SLC9C2: variants seen among roughly 807,000 people sequenced by gnomAD.
The protein encoded by SLC9C2 is sodium/hydrogen exchanger 11.
A neutral mutation model predicts 140.2 loss-of-function variants in SLC9C2; 75 were observed. The ratio of observed to expected loss-of-function variants is 0.53; its 90% CI spans 0.44 to 0.65. The LOEUF is 0.65. Ranked by LOEUF, SLC9C2 falls within the 30% of genes least tolerant of loss-of-function variation. The pLI, the probability that SLC9C2 is intolerant of heterozygous loss-of-function variation, is 0.00. For missense variants in SLC9C2, 1,074 were observed against 1,331.8 expected, an observed-to-expected ratio of 0.81 and a Z score of 3.01; for synonymous variants, 375 against 420.9, an observed-to-expected ratio of 0.89 and a Z score of 1.34.
intron 13 of SLC9C2, among the ~76,000 whole-genome samples, chr1:173,543,264 A>T (rs1662579990): frequency 6.6e-6 from 1 of 152,240 alleles, no homozygotes; most frequent in African/African-American, 2.4e-5. Flanking sequence ...ATTGCTACAA[A>T]GAAAATAAAA....
chr1:173,563,403 A>AT (rs910268604), intron 9 of SLC9C2, among the ~76,000 whole-genome samples: 1 of 151,214 alleles, frequency 6.6e-6, no homozygotes, highest in Non-Finnish European at 1.5e-5. Flanking sequence ...ATCCTTCATA[A>AT]TTTTTTTTTA....
chr1:173,590,756 A>G (rs1193150976), intron 4 of SLC9C2, among the ~76,000 whole-genome samples: 1 of 152,210 alleles, frequency 6.6e-6, no homozygotes, highest in African/African-American at 2.4e-5. Context: ...ATGTATACAC[A>G]GTGGGTATGC....
At chr1:173,550,872 AAGAGAGAGAGAGAGAGAGAGAG>A (rs143296396) in intron 11 of SLC9C2, among the ~76,000 whole-genome samples, 2 of 86,490 alleles carry the variant, frequency 2.3e-5, no homozygotes, top group Admixed American at 1.1e-4. Context: ...GAGCCGTTGA[AAGAGAGAGAGAGAGAGAGAGAG>A]AGAGAGAGAG....
chr1:173,564,554 G>A (rs900446349), intron 9 of SLC9C2, among the ~76,000 whole-genome samples: 1 of 151,642 alleles, frequency 6.6e-6, no homozygotes, highest in African/African-American at 2.4e-5. Flanking sequence ...CAGATTGTTA[G>A]ATGTTTTCCT....
chr1:173,580,458 TCTTGTGA>T lies in SLC9C2; in HGVS notation c.802+1382_802+1388del, dbSNP rs1665458426. ...CCTCTGCCTCCCGGGTACAAGGGAT[TCTTGTGA>T]CTTAGCCTCCCCAGTGGCTGGAATT... is the stretch of plus-strand genomic sequence containing the variant. On this transcript the variant is annotated intron_variant, in intron 7 of 27. Transcript: ENST00000367714. Among the ~76,000 whole-genome samples, 3 of 152,232 alleles carry T rather than the reference TCTTGTGA, an allele frequency of 2.0e-5. No homozygotes were observed. In the South Asian group the frequency reaches 6.2e-4, roughly 32 times the overall value.
rs749730691 is a variant in SLC9C2, at chr1:173,533,689, T to A, written c.2083A>T (p.Arg695Ter). ...TGTATAAGAGCCAAGTTGTCTGGTC[T>A]CAATTTCACAAAGTATACACAAAAG... is the stretch of plus-strand genomic sequence containing the variant. The part of the protein sequence containing the change: ...DIFCVYFVKL[R>*]PDNLALIQLT... The change falls in exon 17 of 28, where the codon AGA (arginine) becomes TGA (stop). Residue 695 changes from arginine (R) to a stop codon, truncating the protein, a stop_gained. Transcript: ENST00000367714. LOFTEE classifies it high-confidence loss of function. 6.2e-7 allele frequency: 1 copy of A among 1,612,306 alleles called. No homozygotes were observed.
chr1:173,547,828 T>C (rs1429831641), intron 12 of SLC9C2, 44 bp from the exon 13 acceptor site: 1 of 1,436,026 alleles, frequency 7.0e-7, no homozygotes, highest in East Asian at 2.3e-5. Context: ...AGGGATAAAG[T>C]TAAAAATAAG....
At chr1:173,509,041 A>T (rs1659853207) in intron 24 of SLC9C2, among the ~76,000 whole-genome samples, 1 of 150,452 alleles carries the variant, frequency 6.6e-6, no homozygotes, top group South Asian at 2.1e-4. Flanking sequence ...TTTTTTTTTT[A>T]GAAATGATTG....
At chr1:173,571,364 C>T (rs77160784) in intron 9 of SLC9C2, 2,134 of 152,388 alleles carry the variant, frequency 0.014, 26 homozygotes, top group Middle Eastern at 0.044. Flanking sequence ...TGATCAAGGC[C>T]TCCCTGCTGT....
chr1:173,501,045 A>G lies in SLC9C2; in HGVS notation c.*49T>C. On this transcript the variant is annotated 3_prime_UTR_variant, in exon 28 of 28. Transcript: ENST00000367714. Reference sequence around the variant, plus strand: ...AGTTTGGTCTTTAACCTGACTCCACACATCATATTTGTATCATTAATACCC... The same window carrying G: ...AGTTTGGTCTTTAACCTGACTCCACGCATCATATTTGTATCATTAATACCC... 6.8e-7 allele frequency: 1 copy of G among 1,476,794 alleles called. No homozygotes were observed. The highest frequency in any genetic ancestry group is 9.0e-7 in the Non-Finnish European group (1 of 1,114,244). The allele number at this position is 1,476,794 out of a possible 1,614,324, so 91.5% of individuals were successfully genotyped here.
intron 14 of SLC9C2, among the ~76,000 whole-genome samples, chr1:173,536,203 T>C (rs1661944571): frequency 6.9e-6 from 1 of 144,770 alleles, no homozygotes; most frequent in African/African-American, 2.6e-5. Context: ...CCATTTGGAG[T>C]TTGGAATCAA....
intron 4 of SLC9C2, among the ~76,000 whole-genome samples, chr1:173,590,719 C>T (rs776216008): frequency 2.4e-4 from 37 of 152,094 alleles, no homozygotes; most frequent in Admixed American, 8.5e-4. Context: ...CAGAGATGGC[C>T]ACTAAGTGAC....
At chr1:173,528,573 A>G (rs16846125) in intron 18 of SLC9C2, among the ~76,000 whole-genome samples, 7,267 of 152,234 alleles carry the variant, frequency 0.048, 624 homozygotes, top group African/African-American at 0.17. Context: ...GTTCAATCCA[A>G]TAAAGGTAGA....
intron 22 of SLC9C2, among the ~76,000 whole-genome samples, chr1:173,518,387 T>C (rs1488915378): frequency 6.6e-6 from 1 of 152,256 alleles, no homozygotes; most frequent in Non-Finnish European, 1.5e-5. Flanking sequence ...TAACTTTTGA[T>C]TGCATGGGCA....
intron 21 of SLC9C2, among the ~76,000 whole-genome samples, chr1:173,522,318 G>A (rs112869967): frequency 0.013 from 1,995 of 152,282 alleles, 21 homozygotes; most frequent in South Asian, 0.034. Flanking sequence ...ACTTGAAAGA[G>A]GAGTAGCAGA....
At chr1:173,558,826 T>C (rs1238073955) in intron 9 of SLC9C2, among the ~76,000 whole-genome samples, 1 of 152,322 alleles carries the variant, frequency 6.6e-6, no homozygotes, top group East Asian at 1.9e-4. Context: ...CACACACACT[T>C]CGAGGGCCAA....
At chr1:173,592,338 A>C (rs993433678) in intron 4 of SLC9C2, among the ~76,000 whole-genome samples, 1 of 152,112 alleles carries the variant, frequency 6.6e-6, no homozygotes. Context: ...TGCTTTAGCT[A>C]TTTGGGGTCT....
At chr1:173,565,215 T>C (rs1251367023) in intron 9 of SLC9C2, among the ~76,000 whole-genome samples, 3 of 152,156 alleles carry the variant, frequency 2.0e-5, no homozygotes, top group Non-Finnish European at 4.4e-5. Flanking sequence ...AACTTTATGT[T>C]ATCTAATTTG....
chr1:173,503,390 A>G, intron 26 of SLC9C2, 64 bp from the exon 27 acceptor site: 1 of 1,427,666 alleles, frequency 7.0e-7, no homozygotes, highest in Non-Finnish European at 9.8e-7. Context: ...AGGCAACCAG[A>G]AAATATTTTG....
Sources: gnomAD v4.1 joint callset for allele counts (sites outside exome capture counted in the v4.1 genomes callset) on GRCh38, gnomAD v4.1.1 for gene constraint, MANE v1.5 for transcripts, NCBI Gene and HGNC (gene_info 2026-07-23, HGNC 2026-07-21) for gene names.